JARID2: variants seen among roughly 807,000 people sequenced by gnomAD.
JARID2 encodes protein Jumonji.
A neutral mutation model predicts 125.6 loss-of-function variants in JARID2; 21 were observed. That is an observed-to-expected ratio of 0.17 (90% CI 0.12 to 0.24). The LOEUF (loss-of-function observed/expected upper bound fraction) is 0.24, where lower values mean the gene tolerates loss of function less well. Ranked by LOEUF, JARID2 falls within the 10% of genes least tolerant of loss-of-function variation. JARID2 has a pLI of 1.00. For missense variants in JARID2, 1,303 were observed against 1,639.6 expected, an observed-to-expected ratio of 0.79 and a Z score of 3.55; for synonymous variants, 736 against 661.6, an observed-to-expected ratio of 1.11 and a Z score of -1.73.
intron 7 of JARID2, among the ~76,000 whole-genome samples, chr6:15,497,583 G>A (rs1052526997): frequency 6.7e-6 from 1 of 149,968 alleles, no homozygotes; most frequent in African/African-American, 2.5e-5. Flanking sequence ...CCCAGGAGGC[G>A]GAGCTTGCAG....
At chr6:15,470,744 C>G (rs1000296014) in intron 5 of JARID2, among the ~76,000 whole-genome samples, 2 of 152,016 alleles carry the variant, frequency 1.3e-5, no homozygotes, top group African/African-American at 4.8e-5. Flanking sequence ...TGGAAGAGAG[C>G]TGCATATGTG....
chr6:15,415,704 C>T (rs1438274407), intron 3 of JARID2, among the ~76,000 whole-genome samples: 3 of 147,350 alleles, frequency 2.0e-5, no homozygotes, highest in African/African-American at 5.0e-5. Flanking sequence ...CTGACCCCCC[C>T]ACCTCCTTCC....
chr6:15,448,540 G>T (rs1037662268), intron 3 of JARID2, among the ~76,000 whole-genome samples: 1 of 152,174 alleles, frequency 6.6e-6, no homozygotes. Flanking sequence ...CTCAGAGTGC[G>T]ATTTGCGTCC....
At chr6:15,511,443 C>A in intron 13 of JARID2, 42 bp downstream of exon 13, 1 of 1,310,668 alleles carries the variant, frequency 7.6e-7, no homozygotes, top group Non-Finnish European at 1.1e-6. Flanking sequence ...AGCTGTAGGA[C>A]CTCCTAGGCA....
At chr6:15,415,296 T>C (rs1174041304) in intron 3 of JARID2, among the ~76,000 whole-genome samples, 3 of 152,172 alleles carry the variant, frequency 2.0e-5, no homozygotes, top group Admixed American at 6.5e-5. Context: ...AAACCGCCAT[T>C]GTCATCATGG....
chr6:15,305,346 C>T (rs1218647235), intron 1 of JARID2, among the ~76,000 whole-genome samples: 1 of 152,122 alleles, frequency 6.6e-6, no homozygotes, highest in Non-Finnish European at 1.5e-5. Context: ...GAAAAGGGTG[C>T]AGGGAGGGTG....
At chr6:15,485,868 A>C in intron 5 of JARID2, among the ~76,000 whole-genome samples, 1 of 152,222 alleles carries the variant, frequency 6.6e-6, no homozygotes, top group Non-Finnish European at 1.5e-5. Flanking sequence ...AAGGACAGAC[A>C]GGTAAGATGT....
intron 1 of JARID2, among the ~76,000 whole-genome samples, chr6:15,313,605 G>T (rs1762086507): frequency 6.6e-6 from 1 of 152,124 alleles, no homozygotes; most frequent in Non-Finnish European, 1.5e-5. Flanking sequence ...AGAGCACTGT[G>T]GAATTTGCAG....
intron 5 of JARID2, among the ~76,000 whole-genome samples, chr6:15,472,316 G>C (rs1441010098): frequency 6.6e-6 from 1 of 152,116 alleles, no homozygotes; most frequent in Non-Finnish European, 1.5e-5. Flanking sequence ...GCATCAGATA[G>C]AGGAGCTGCA....
intron 8 of JARID2, among the ~76,000 whole-genome samples, chr6:15,503,312 A>G (rs1280511593): frequency 2.0e-5 from 3 of 152,238 alleles, no homozygotes; most frequent in Non-Finnish European, 4.4e-5. Context: ...GAAACAGACT[A>G]TCAGGAGCGG....
intron 2 of JARID2, among the ~76,000 whole-genome samples, chr6:15,396,167 T>A (rs571974978): frequency 6.6e-6 from 1 of 152,374 alleles, no homozygotes; most frequent in Non-Finnish European, 1.5e-5. Context: ...TCAAATATGT[T>A]AAGTACATTT....
chr6:15,411,266 C>G (rs2127569977), intron 3 of JARID2, among the ~76,000 whole-genome samples: 1 of 152,176 alleles, frequency 6.6e-6, no homozygotes, highest in Admixed American at 6.5e-5. Flanking sequence ...CTACATGTAT[C>G]TATCTAAAGA....
chr6:15,447,772 G>A (rs1243111110), intron 3 of JARID2, among the ~76,000 whole-genome samples: 1 of 152,238 alleles, frequency 6.6e-6, no homozygotes, highest in East Asian at 1.9e-4. Flanking sequence ...GGCCCCACAG[G>A]CTGGGTGCAG....
intron 2 of JARID2, among the ~76,000 whole-genome samples, chr6:15,396,417 G>A (rs928506089): frequency 6.6e-5 from 10 of 152,260 alleles, no homozygotes; most frequent in Admixed American, 1.3e-4. Context: ...ATAGCTATGT[G>A]TACTATGATC....
intron 1 of JARID2, among the ~76,000 whole-genome samples, chr6:15,352,326 T>A (rs1763458037): frequency 6.6e-6 from 1 of 152,164 alleles, no homozygotes; most frequent in South Asian, 2.1e-4. Flanking sequence ...TCCACCCCGT[T>A]CTTAATATTA....
chr6:15,407,672 G>C (rs1180066960), intron 2 of JARID2, among the ~76,000 whole-genome samples: 1 of 151,968 alleles, frequency 6.6e-6, no homozygotes, highest in Non-Finnish European at 1.5e-5. Context: ...GTGTTTTTAG[G>C]CTTACTGCAA....
chr6:15,352,813 A>C (rs1763474785), intron 1 of JARID2, among the ~76,000 whole-genome samples: 1 of 152,214 alleles, frequency 6.6e-6, no homozygotes, highest in East Asian at 1.9e-4. Context: ...AAGTTTTGTA[A>C]ATAAATACGC....
At chr6:15,439,390 T>C (rs1767352777) in intron 3 of JARID2, among the ~76,000 whole-genome samples, 1 of 152,206 alleles carries the variant, frequency 6.6e-6, no homozygotes, top group South Asian at 2.1e-4. Flanking sequence ...CTCCTGGTTA[T>C]ACTTTTGATC....
intron 1 of JARID2, among the ~76,000 whole-genome samples, chr6:15,280,896 T>G (rs1468432296): frequency 6.6e-6 from 1 of 152,196 alleles, no homozygotes; most frequent in Non-Finnish European, 1.5e-5. Context: ...CCCAAAGTGC[T>G]GGAATTACAG....
Sources: gnomAD v4.1 joint callset for allele counts (sites outside exome capture counted in the v4.1 genomes callset) on GRCh38, gnomAD v4.1.1 for gene constraint, MANE v1.5 for transcripts, NCBI Gene and HGNC (gene_info 2026-07-23, HGNC 2026-07-21) for gene names.